PRKCE: variants seen among roughly 807,000 people sequenced by gnomAD.
PRKCE encodes the protein protein kinase C epsilon type.
PRKCE carries 16 observed loss-of-function variants against 85.4 expected under a neutral mutation model. That is an observed-to-expected ratio of 0.19 (90% CI 0.13 to 0.28). The LOEUF (loss-of-function observed/expected upper bound fraction) is 0.28, where lower values mean the gene tolerates loss of function less well. PRKCE is among the 10% of genes least tolerant of loss of function. PRKCE has a pLI of 1.00. For synonymous variants in PRKCE, 388 were observed against 371.5 expected, an observed-to-expected ratio of 1.04 and a Z score of -0.51; for missense variants, 573 against 975.2, an observed-to-expected ratio of 0.59 and a Z score of 5.49.
chr2:46,058,906 C>T (rs910240786), intron 10 of PRKCE, among the ~76,000 whole-genome samples: 4 of 152,198 alleles, frequency 2.6e-5, no homozygotes, highest in African/African-American at 9.7e-5. Flanking sequence ...CCGTGTGGCC[C>T]AGGCTGGTCT....
At chr2:46,106,772 TA>T (rs1671756295) in intron 11 of PRKCE, among the ~76,000 whole-genome samples, 1 of 152,212 alleles carries the variant, frequency 6.6e-6, no homozygotes, top group Admixed American at 6.5e-5. Context: ...ATGACCTCTT[TA>T]AAGGCCCTGT....
intron 10 of PRKCE, among the ~76,000 whole-genome samples, chr2:46,027,880 G>A (rs918411689): frequency 1.3e-5 from 2 of 152,100 alleles, no homozygotes; most frequent in African/African-American, 4.8e-5. Flanking sequence ...GTTATCTACA[G>A]AACTGCTGGC....
chr2:45,737,528 C>T (rs1392630262), intron 1 of PRKCE, among the ~76,000 whole-genome samples: 3 of 152,194 alleles, frequency 2.0e-5, no homozygotes, highest in Non-Finnish European at 1.5e-5. Flanking sequence ...CTCCTCCTCG[C>T]AACTGCCCAG....
At chr2:45,866,339 G>A (rs752929076) in intron 2 of PRKCE, among the ~76,000 whole-genome samples, 12 of 151,670 alleles carry the variant, frequency 7.9e-5, no homozygotes, top group Non-Finnish European at 1.5e-4. Flanking sequence ...ATGGAATCTC[G>A]CTCTGTTACC....
intron 2 of PRKCE, among the ~76,000 whole-genome samples, chr2:45,853,615 G>A (rs1392136363): frequency 3.9e-5 from 6 of 152,202 alleles, no homozygotes; most frequent in Admixed American, 3.9e-4. Context: ...TGGATTAGGT[G>A]CTGCGTACAC....
intron 1 of PRKCE, among the ~76,000 whole-genome samples, chr2:45,722,412 G>C (rs758745409): frequency 1.3e-5 from 2 of 152,104 alleles, no homozygotes; most frequent in African/African-American, 4.8e-5. Context: ...CAAAAAAAGC[G>C]TTAGTATTAT....
At chr2:45,910,327 A>G (rs1697292855) in intron 2 of PRKCE, among the ~76,000 whole-genome samples, 1 of 152,160 alleles carries the variant, frequency 6.6e-6, no homozygotes, top group African/African-American at 2.4e-5. Flanking sequence ...GGGAAATGGA[A>G]GGAGGAGGTG....
At chr2:46,108,553 A>G (rs568870344) in intron 11 of PRKCE, among the ~76,000 whole-genome samples, 19 of 152,312 alleles carry the variant, frequency 1.2e-4, no homozygotes, top group African/African-American at 3.6e-4. Flanking sequence ...GATGGGTACA[A>G]TGTTCATTGC....
intron 1 of PRKCE, among the ~76,000 whole-genome samples, chr2:45,699,774 G>A (rs565415458): frequency 1.2e-4 from 18 of 152,344 alleles, no homozygotes; most frequent in South Asian, 2.1e-4. Flanking sequence ...GAGAGCAGTG[G>A]CTTAGAGGAG....
intron 14 of PRKCE, among the ~76,000 whole-genome samples, chr2:46,160,393 G>C (rs1199734961): frequency 6.6e-6 from 1 of 152,228 alleles, no homozygotes; most frequent in Admixed American, 6.5e-5. Flanking sequence ...TTCAGTCTGG[G>C]CTCGACTCAC....
intron 6 of PRKCE, among the ~76,000 whole-genome samples, chr2:46,000,654 G>A (rs756273461): frequency 4.9e-4 from 74 of 151,672 alleles, no homozygotes; most frequent in African/African-American, 6.8e-4. Flanking sequence ...TGAAGAGCAC[G>A]ACTCTCAACT....
At chr2:45,808,974 G>C (rs1416057757) in intron 1 of PRKCE, among the ~76,000 whole-genome samples, 1 of 152,010 alleles carries the variant, frequency 6.6e-6, no homozygotes, top group African/African-American at 2.4e-5. Context: ...ACTGTACCCG[G>C]CTCTAATCTG....
chr2:46,054,322 C>T (rs1056821337), intron 10 of PRKCE, among the ~76,000 whole-genome samples: 3 of 152,204 alleles, frequency 2.0e-5, no homozygotes, highest in African/African-American at 7.2e-5. Context: ...TTCCCACTTG[C>T]ATTTGATAAC....
chr2:46,025,777 A>G (rs535931060), intron 10 of PRKCE, among the ~76,000 whole-genome samples: 96 of 152,320 alleles, frequency 6.3e-4, no homozygotes, highest in Non-Finnish European at 1.2e-3. Flanking sequence ...TTATTGTGTG[A>G]AAAGGAGCAA....
intron 1 of PRKCE, among the ~76,000 whole-genome samples, chr2:45,684,040 T>C (rs1283450056): frequency 6.6e-6 from 1 of 152,168 alleles, no homozygotes; most frequent in Non-Finnish European, 1.5e-5. Context: ...GCTGACTTGG[T>C]GTTTGCTGGT....
At chr2:46,024,810 T>C (rs1436559714) in intron 10 of PRKCE, among the ~76,000 whole-genome samples, 1 of 152,256 alleles carries the variant, frequency 6.6e-6, no homozygotes, top group South Asian at 2.1e-4. Context: ...AGAGTTTAAA[T>C]CCAACCTCCT....
rs1677120838 is a variant in PRKCE, at chr2:46,155,645, A to G, written c.1921-3961A>G. ...TGGATGGTCCCCCTCAAATCTGCTC[A>G]CTCTCAAATTCCTTGGTTCAGTAAA... On this transcript the variant is annotated intron_variant, in intron 13 of 14. Transcript: ENST00000306156. The surrounding 1 kb of genome is among the most constrained non-coding windows in gnomAD (Gnocchi z 4.7). 6.6e-6 allele frequency among the ~76,000 whole-genome samples: 1 copy of G among 151,868 alleles called. No individual in the cohort carries two copies.
chr2:45,698,932 T>C (rs942565729), intron 1 of PRKCE, among the ~76,000 whole-genome samples: 1 of 152,192 alleles, frequency 6.6e-6, no homozygotes, highest in African/African-American at 2.4e-5. Context: ...CCATCAGTAG[T>C]AGGTTAAAAT....
chr2:45,791,374 G>A (rs1041086655), intron 1 of PRKCE, among the ~76,000 whole-genome samples: 1 of 152,164 alleles, frequency 6.6e-6, no homozygotes, highest in Non-Finnish European at 1.5e-5. Flanking sequence ...TGGGGGTCCT[G>A]GTCCAGAGTC....
Sources: gnomAD v4.1 joint callset for allele counts (sites outside exome capture counted in the v4.1 genomes callset) on GRCh38, gnomAD v4.1.1 for gene constraint, Gnocchi (gnomAD v3.1) non-coding constraint, MANE v1.5 for transcripts, NCBI Gene and HGNC (gene_info 2026-07-23, HGNC 2026-07-21) for gene names.